Variants in GUCY1B1 observed in about 807,000 individuals in gnomAD.
GUCY1B1 encodes guanylate cyclase soluble subunit beta-1.
Under a neutral mutation model 71.0 loss-of-function variants are expected in GUCY1B1, and 43 were observed. That is an observed-to-expected ratio of 0.61 (90% confidence interval 0.47 to 0.78). GUCY1B1 has a LOEUF of 0.78. Among genes scored for constraint, GUCY1B1 ranks in the 30% least tolerant of loss-of-function variants. The pLI, the probability that GUCY1B1 is intolerant of heterozygous loss-of-function variation, is 0.00. For synonymous variants in GUCY1B1, 266 were observed against 259.7 expected, an observed-to-expected ratio of 1.02 and a Z score of -0.23; for missense variants, 535 against 754.1, an observed-to-expected ratio of 0.71 and a Z score of 3.40.
chr4:155,795,095 T>G (rs1287441426), intron 6 of GUCY1B1, among the ~76,000 whole-genome samples: 1 of 152,226 alleles, frequency 6.6e-6, no homozygotes, highest in Non-Finnish European at 1.5e-5. Flanking sequence ...TAGCTTACAT[T>G]TGAATATTAG....
At chr4:155,785,808 G>T (rs1456657077) in intron 4 of GUCY1B1, among the ~76,000 whole-genome samples, 1 of 152,124 alleles carries the variant, frequency 6.6e-6, no homozygotes, top group Non-Finnish European at 1.5e-5. Flanking sequence ...ACTATCTAAA[G>T]AAAATCAATA....
Position 155,794,104 on chromosome 4 carries a change from T to C in GUCY1B1, c.726+18T>C. ...TCCCCCAGGTAAAATGACAGCATAC[T>C]TCCTTGGGGCCTGAGACAAAAGCCC... is the stretch of plus-strand genomic sequence containing the variant. On this transcript the variant is annotated intron_variant, in intron 6 of 13. Transcript: ENST00000264424. 1 of 1,351,162 alleles carries C rather than the reference T, an allele frequency of 7.4e-7. No individual in the cohort carries two copies. The highest frequency in any genetic ancestry group is 1.4e-5 in the African/African-American group (1 of 69,810). The allele number at this position is 1,351,162 out of a possible 1,614,324, so 83.7% of individuals were successfully genotyped here.
intron 2 of GUCY1B1, among the ~76,000 whole-genome samples, chr4:155,768,019 A>G (rs1294879102): frequency 1.3e-5 from 2 of 152,160 alleles, no homozygotes; most frequent in Non-Finnish European, 2.9e-5. Context: ...ATGTGTTCTG[A>G]TAATGTTGTT....
intron 4 of GUCY1B1, among the ~76,000 whole-genome samples, chr4:155,781,364 A>G (rs1324214132): frequency 6.6e-6 from 1 of 152,170 alleles, no homozygotes; most frequent in African/African-American, 2.4e-5. Context: ...GGAGGTTATC[A>G]TTTCCATTCA....
intron 2 of GUCY1B1, among the ~76,000 whole-genome samples, chr4:155,767,446 G>T (rs773724183): frequency 6.6e-6 from 1 of 152,040 alleles, no homozygotes; most frequent in Non-Finnish European, 1.5e-5. Context: ...GGTCTCTTGT[G>T]ACTCAAAATT....
chr4:155,795,363 TTCTG>T lies in GUCY1B1; in HGVS notation c.757_760del (p.Val253SerfsTer25). On this transcript the variant is annotated frameshift_variant, in exon 7 of 14. Transcript: ENST00000264424. LOFTEE classifies it high-confidence loss of function. ...TAGCTCCAGCCTGGGAATTGCAGCC[TTCTG>T]TCTGTCTTCTCGCTGGTTCGTCCTC... 1 of 1,606,938 alleles carries T rather than the reference TTCTG, an allele frequency of 6.2e-7. No individual in the cohort carries two copies. Among genetic ancestry groups the T allele is most frequent in the Non-Finnish European group, 8.5e-7 (1 of 1,173,896 alleles).
intron 8 of GUCY1B1, among the ~76,000 whole-genome samples, 175 bp downstream of exon 8, chr4:155,796,685 T>G (rs1739579391): frequency 6.6e-6 from 1 of 152,212 alleles, no homozygotes; most frequent in Admixed American, 6.5e-5. Context: ...TATTTGCTAA[T>G]AAACTCAGAA....
At chr4:155,768,780 C>T (rs1008830105) in intron 2 of GUCY1B1, among the ~76,000 whole-genome samples, 7 of 152,092 alleles carry the variant, frequency 4.6e-5, no homozygotes, top group Admixed American at 3.3e-4. Flanking sequence ...TTCACTTATA[C>T]GTATTCAACT....
chr4:155,794,463 G>A (rs1262028349), intron 6 of GUCY1B1, among the ~76,000 whole-genome samples: 1 of 152,034 alleles, frequency 6.6e-6, no homozygotes, highest in African/African-American at 2.4e-5. Context: ...AACTATTGAT[G>A]GTGTTAAGGG....
chr4:155,773,631 G>A (rs1306502545), intron 2 of GUCY1B1, among the ~76,000 whole-genome samples: 1 of 152,120 alleles, frequency 6.6e-6, no homozygotes, highest in Admixed American at 6.6e-5. Context: ...TCAGCTACTG[G>A]TGACAACATC....
At chr4:155,759,177 C>T (rs1440198500) in intron 1 of GUCY1B1, 34 bp downstream of exon 1, 1 of 1,558,290 alleles carries the variant, frequency 6.4e-7, no homozygotes, top group East Asian at 2.4e-5. Context: ...GCCCGAACCT[C>T]ACCCCTCCTC....
intron 2 of GUCY1B1, among the ~76,000 whole-genome samples, chr4:155,760,788 A>G (rs6810744): frequency 0.021 from 3,205 of 152,298 alleles, 99 homozygotes; most frequent in African/African-American, 0.072. Flanking sequence ...GGTGGAAGGA[A>G]GGGTTTCCTG....
chr4:155,776,954 C>G (rs2111041842), intron 3 of GUCY1B1, among the ~76,000 whole-genome samples: 1 of 152,102 alleles, frequency 6.6e-6, no homozygotes, highest in South Asian at 2.1e-4. Context: ...CTCTTGAGAC[C>G]AGAAGTGTTT....
chr4:155,802,636 C>A lies in GUCY1B1; in HGVS notation c.1413+57C>A, dbSNP rs553141390. The stretch of plus-strand genomic sequence containing the variant: ...ATCCAGAGGCTGGCGTTCTGAGACT[C>A]CCCTCCAGAGGCCATGTCATCACAG... On this transcript the variant is annotated intron_variant, in intron 10 of 13. Transcript: ENST00000264424. This position sits in a 1 kb window ranked among gnomAD's most constrained non-coding sequence, Gnocchi z 4.3. The A allele has an allele frequency of 6.9e-7, 1 of 1,455,680 alleles. No homozygotes were observed. Among genetic ancestry groups the A allele is most frequent in the Non-Finnish European group, 9.2e-7 (1 of 1,087,344 alleles). The allele number at this position is 1,455,680 out of a possible 1,614,324, so 90.2% of individuals were successfully genotyped here.
At chr4:155,765,236 G>A in intron 2 of GUCY1B1, among the ~76,000 whole-genome samples, 1 of 152,100 alleles carries the variant, frequency 6.6e-6, no homozygotes, top group East Asian at 1.9e-4. Flanking sequence ...AGAATAAGGG[G>A]CTCTAGCAAA....
At position 155,791,639 on chromosome 4, in the gene GUCY1B1, A is replaced by G. The variant is rs564955609; in HGVS notation, c.495+1728A>G. On this transcript the variant is annotated intron_variant, in intron 5 of 13. Transcript: ENST00000264424. The stretch of plus-strand genomic sequence containing the variant: ...CCAGCTACTCGGGAGGCTGAGGCAG[A>G]AGAATCGCTTGAACCCGGGAGGCAC... Among the ~76,000 whole-genome samples, 163 of 150,960 alleles carry G rather than the reference A, an allele frequency of 1.1e-3. 1 individual carries two copies. Among genetic ancestry groups the G allele is most frequent in the Non-Finnish European group, 1.9e-3 (130 of 67,662 alleles).
intron 2 of GUCY1B1, among the ~76,000 whole-genome samples, chr4:155,770,264 G>A (rs1737609290): frequency 6.6e-6 from 1 of 152,162 alleles, no homozygotes; most frequent in Admixed American, 6.5e-5. Context: ...TAAAGCTAAG[G>A]AGAGAAGGAA....
At chr4:155,773,411 C>A (rs1283422716) in intron 2 of GUCY1B1, among the ~76,000 whole-genome samples, 1 of 152,136 alleles carries the variant, frequency 6.6e-6, no homozygotes, top group Non-Finnish European at 1.5e-5. Context: ...ATAATCATGA[C>A]AACTTTTAAA....
rs141374590 is a variant in GUCY1B1 at position 155,800,129 on chromosome 4, C to T, written c.1175+55C>T. 1.2e-3 allele frequency: 1,510 copies of T among 1,233,026 alleles called. 19 individuals are homozygous for T. In the African/African-American group the frequency reaches 0.02, roughly 16 times the overall value. The allele number at this position is 1,233,026 out of a possible 1,614,324, so 76.4% of individuals were successfully genotyped here. ...TTATTCATAACATAATGTGACTCTA[C>T]TATATTTAAGTTTGAGAACCAGACT... On this transcript the variant is annotated intron_variant, in intron 9 of 13. Transcript: ENST00000264424.
Sources: allele counts gnomAD v4.1 joint callset (sites outside exome capture counted in the v4.1 genomes callset), GRCh38; gene constraint gnomAD v4.1.1; non-coding constraint Gnocchi (gnomAD v3.1); transcripts MANE v1.5; gene names NCBI Gene and HGNC (gene_info 2026-07-23, HGNC 2026-07-21).